The following MTUS1 variants were observed in gnomAD, a reference collection of about 807,000 sequenced individuals.
MTUS1 encodes microtubule associated scaffold protein 1.
Under a neutral mutation model 120.8 loss-of-function variants are expected in MTUS1, and 109 were observed. That is an observed-to-expected ratio of 0.90 (90% CI 0.77 to 1.06). MTUS1 has a LOEUF of 1.06. MTUS1 is among the 50% of genes least tolerant of loss of function. The pLI, the probability that MTUS1 is intolerant of heterozygous loss-of-function variation, is 0.00. For synonymous variants in MTUS1, 737 were observed against 550.5 expected (o/e 1.34, Z -4.74); for missense variants, 2,210 against 1,486.3 (o/e 1.49, Z -8.01).
intron 1 of MTUS1, among the ~76,000 whole-genome samples, chr8:17,757,229 A>G (rs1264119956): frequency 1.3e-5 from 2 of 152,230 alleles, no homozygotes; most frequent in East Asian, 1.9e-4. Context: ...AAGGAATGCA[A>G]TATTGACACA....
intron 8 of MTUS1, among the ~76,000 whole-genome samples, chr8:17,671,801 C>A (rs1037537510): frequency 6.6e-6 from 1 of 152,168 alleles, no homozygotes; most frequent in East Asian, 1.9e-4. Flanking sequence ...CAACTCCCAT[C>A]GCCCCACCCC....
intron 1 of MTUS1, among the ~76,000 whole-genome samples, chr8:17,787,409 G>C (rs1335780822): frequency 6.6e-6 from 1 of 152,114 alleles, no homozygotes; most frequent in African/African-American, 2.4e-5. Context: ...TCAAAACACA[G>C]AGTTAATAAA....
chr8:17,679,633 C>T (rs964173795), intron 7 of MTUS1, among the ~76,000 whole-genome samples: 12 of 152,068 alleles, frequency 7.9e-5, no homozygotes, highest in Admixed American at 7.9e-4. Context: ...TCTTGAGTAG[C>T]TGGGACTACA....
In MTUS1 at chr8:17,764,503, T is replaced by C. The variant is rs371496526; in HGVS notation, c.-154-8542A>G. Among the ~76,000 whole-genome samples the C allele has an allele frequency of 5.9e-5, 9 of 152,204 alleles. 1 individual carries two copies. Among genetic ancestry groups the C allele is most frequent in the African/African-American group, 9.7e-5 (4 of 41,442 alleles). On this transcript the variant is annotated intron_variant, in intron 1 of 14. Coordinates refer to ENST00000693296, the MANE Select transcript of MTUS1 (RefSeq NM_001363059.2). ...ATGCATCCCCTACACACTGAACAAT[T>C]TCCCTGTTCCTGTTTCATCTTTATA...
At chr8:17,785,685 A>G (rs765770937) in intron 1 of MTUS1, among the ~76,000 whole-genome samples, 24 of 152,222 alleles carry the variant, frequency 1.6e-4, no homozygotes, top group Non-Finnish European at 3.4e-4. Flanking sequence ...TCAAGTCAAC[A>G]TTCTGTCACC....
At chr8:17,653,683 T>C in intron 10 of MTUS1, 185 bp from the exon 11 acceptor site, 1 of 527,632 alleles carries the variant, frequency 1.9e-6, no homozygotes, top group South Asian at 2.6e-5. Context: ...GTGGTTAGGG[T>C]AGACATTCCC....
intron 8 of MTUS1, among the ~76,000 whole-genome samples, chr8:17,673,540 C>T (rs1168419767): frequency 6.6e-6 from 1 of 152,172 alleles, no homozygotes; most frequent in African/African-American, 2.4e-5. Context: ...CAGTCTCGAA[C>T]TCCTGGGCTC....
At chr8:17,784,457 G>A (rs12542025) in intron 1 of MTUS1, among the ~76,000 whole-genome samples, 110,673 of 151,778 alleles carry the variant, frequency 0.73, 41,925 homozygotes, top group Non-Finnish European at 0.85. Flanking sequence ...CACCATGCCC[G>A]GCTAATTCTG....
chr8:17,649,793 T>C, intron 13 of MTUS1, 53 bp downstream of exon 13: 2 of 986,996 alleles, frequency 2.0e-6, no homozygotes, highest in Non-Finnish European at 3.3e-6. Context: ...GGGCTCAATT[T>C]CACACATATT....
chr8:17,772,382 T>G (rs372017203), intron 1 of MTUS1, among the ~76,000 whole-genome samples: 1 of 152,184 alleles, frequency 6.6e-6, no homozygotes, highest in East Asian at 1.9e-4. Context: ...TTATCCAAAC[T>G]TGAATCCCTA....
At chr8:17,746,375 C>G (rs1005197259) in intron 2 of MTUS1, among the ~76,000 whole-genome samples, 7 of 152,134 alleles carry the variant, frequency 4.6e-5, no homozygotes, top group Non-Finnish European at 8.8e-5. Context: ...ATTTTCACAA[C>G]GCTGATAAAG....
chr8:17,797,830 G>A (rs2052370037), intron 1 of MTUS1, among the ~76,000 whole-genome samples: 1 of 152,116 alleles, frequency 6.6e-6, no homozygotes, highest in Non-Finnish European at 1.5e-5. Flanking sequence ...GGCTCTCATG[G>A]AGAACACACT....
At chr8:17,729,648 T>A (rs192409725) in intron 3 of MTUS1, among the ~76,000 whole-genome samples, 33 of 152,298 alleles carry the variant, frequency 2.2e-4, no homozygotes, top group Admixed American at 1.8e-3. Flanking sequence ...TTCCATGAAT[T>A]GATATCTTAT....
intron 3 of MTUS1, among the ~76,000 whole-genome samples, chr8:17,740,951 C>A (rs1280702428): frequency 2.0e-5 from 3 of 152,146 alleles, no homozygotes; most frequent in Non-Finnish European, 4.4e-5. Context: ...CTGCAACCTC[C>A]GCCTCCTGGG....
chr8:17,789,309 G>C (rs923557805), intron 1 of MTUS1, among the ~76,000 whole-genome samples: 1 of 152,152 alleles, frequency 6.6e-6, no homozygotes, highest in Non-Finnish European at 1.5e-5. Context: ...GGGATTACAG[G>C]TGTCAGCCAC....
chr8:17,757,017 C>T (rs761249681), intron 1 of MTUS1, among the ~76,000 whole-genome samples: 2 of 152,152 alleles, frequency 1.3e-5, no homozygotes, highest in Admixed American at 1.3e-4. Context: ...GTACCACATG[C>T]CCCAGCAATT....
At chr8:17,652,472 G>T (rs1259021950) in intron 12 of MTUS1, among the ~76,000 whole-genome samples, 1 of 152,050 alleles carries the variant, frequency 6.6e-6, no homozygotes, top group East Asian at 1.9e-4. Context: ...GTAGACGGGG[G>T]AGAGCCTGGT....
chr8:17,754,572 A>T lies in MTUS1; in HGVS notation c.1236T>A (p.Thr412=), dbSNP rs2048451557. 1 of 1,614,180 alleles carries T rather than the reference A, an allele frequency of 6.2e-7. No homozygotes were observed. Among genetic ancestry groups the T allele is most frequent in the Non-Finnish European group, 8.5e-7 (1 of 1,180,040 alleles). The change falls in exon 2 of 15, where the codon ACT becomes ACA. Residue 412 remains threonine, a synonymous_variant. Transcript: ENST00000693296. The stretch of plus-strand genomic sequence containing the variant: ...TAATGACCATATCATTTGCATCCCA[A>T]GTCAGTCCAAATGACGAGCCCACCT... ...GQKVGSSFGL[T]WDANDMVIST...
intron 14 of MTUS1, 92 bp downstream of exon 14, chr8:17,646,890 C>A: frequency 1.2e-6 from 1 of 822,808 alleles, no homozygotes. Flanking sequence ...ATCATATTTC[C>A]AGGAGGTGCA....
Sources: gnomAD v4.1 joint callset for allele counts (sites outside exome capture counted in the v4.1 genomes callset) on GRCh38, gnomAD v4.1.1 for gene constraint, MANE v1.5 for transcripts, NCBI Gene and HGNC (gene_info 2026-07-23, HGNC 2026-07-21) for gene names.